The following ASXL2 variants were observed in gnomAD, a reference collection of about 807,000 sequenced individuals.
ASXL2 encodes ASXL transcriptional regulator 2, also known as putative Polycomb group protein ASXL2.
Under a neutral mutation model 122.0 loss-of-function variants are expected in ASXL2, and 23 were observed. The observed-to-expected ratio is 0.19, with a 90% CI of 0.14 to 0.27. The LOEUF (loss-of-function observed/expected upper bound fraction) is 0.27, where lower values mean the gene tolerates loss of function less well. Ranked by LOEUF, ASXL2 falls within the 10% of genes least tolerant of loss-of-function variation. The pLI is 1.00. For synonymous variants in ASXL2, 650 were observed against 637.0 expected, an observed-to-expected ratio of 1.02 and a Z score of -0.31; for missense variants, 1,518 against 1,713.8, an observed-to-expected ratio of 0.89 and a Z score of 2.02.
chr2:25,859,876 GA>G (rs1202099672), intron 1 of ASXL2, among the ~76,000 whole-genome samples: 2 of 152,166 alleles, frequency 1.3e-5, no homozygotes, highest in Admixed American at 6.5e-5. Flanking sequence ...GGTCAAATAA[GA>G]AATCTCAAAA....
chr2:25,854,084 G>A (rs1041334998), intron 1 of ASXL2, among the ~76,000 whole-genome samples: 1 of 152,160 alleles, frequency 6.6e-6, no homozygotes, highest in African/African-American at 2.4e-5. Context: ...AGCTGACATT[G>A]TAAGCTCATG....
chr2:25,801,087 C>T (rs1291688575), intron 4 of ASXL2, among the ~76,000 whole-genome samples: 2 of 152,020 alleles, frequency 1.3e-5, no homozygotes, highest in South Asian at 2.1e-4. Flanking sequence ...CCACCATACC[C>T]GGCTAATTTT....
At chr2:25,826,511 C>G (rs1261002557) in intron 3 of ASXL2, among the ~76,000 whole-genome samples, 2 of 152,086 alleles carry the variant, frequency 1.3e-5, no homozygotes, top group African/African-American at 2.4e-5. Context: ...CATCACTAAT[C>G]CAACTTATTT....
chr2:25,767,665 G>T lies in ASXL2; in HGVS notation c.693C>A (p.Ser231Arg). Residue 231 changes from serine to arginine, a missense_variant, in exon 8 of 13, where the codon AGC becomes AGA. By Grantham distance (110) the Ser-to-Arg change is moderately radical. This residue lies in a region of ASXL2 where 198 missense variants were observed against 209.0 expected (regional missense o/e 0.95). Transcript: ENST00000435504. The stretch of plus-strand genomic sequence containing the variant: ...TTTCCACTTTAACTGAGGAAGAAAA[G>T]CTGGAGTTTGAGTTTTGAGGGCTGC... ...QTGSPQNSNS[S>R]FSSSVKVENT... 6.2e-7 allele frequency: 1 copy of T among 1,613,958 alleles called. No homozygotes were observed.
At chr2:25,857,384 T>C (rs1033217616) in intron 1 of ASXL2, among the ~76,000 whole-genome samples, 1 of 152,206 alleles carries the variant, frequency 6.6e-6, no homozygotes, top group Non-Finnish European at 1.5e-5. Flanking sequence ...ACAAGGATTG[T>C]ACCTATATGT....
chr2:25,851,008 G>A (rs1390319544), intron 1 of ASXL2, among the ~76,000 whole-genome samples: 2 of 151,958 alleles, frequency 1.3e-5, no homozygotes, highest in South Asian at 2.1e-4. Flanking sequence ...GTGTGGGGGC[G>A]CATGCCTGTA....
chr2:25,816,909 G>A, intron 3 of ASXL2, among the ~76,000 whole-genome samples: 1 of 152,222 alleles, frequency 6.6e-6, no homozygotes, highest in East Asian at 1.9e-4. Context: ...CGGATCACCT[G>A]AGGTCTGATG....
intron 1 of ASXL2, among the ~76,000 whole-genome samples, chr2:25,860,798 G>C (rs1423891783): frequency 6.6e-6 from 1 of 151,222 alleles, no homozygotes; most frequent in Non-Finnish European, 1.5e-5. Context: ...GATCACTTGA[G>C]CTCAGGAGTT....
At chr2:25,756,453 CAAAAAAAAAAAGAAAAAAAAAAGA>C (rs1157195445) in intron 9 of ASXL2, among the ~76,000 whole-genome samples, 3 of 23,372 alleles carry the variant, frequency 1.3e-4, no homozygotes, top group East Asian at 1.5e-3. Flanking sequence ...CAGATAATGA[CAAAAAAAAAAAGAAAAAAAAAAGA>C]AAAAAAAAAA....
chr2:25,803,800 C>T (rs1266288149), intron 4 of ASXL2, among the ~76,000 whole-genome samples: 1 of 152,210 alleles, frequency 6.6e-6, no homozygotes, highest in Non-Finnish European at 1.5e-5. Flanking sequence ...TGCTTGCTTG[C>T]CCACCAATCA....
At chr2:25,853,439 G>A (rs995343003) in intron 1 of ASXL2, among the ~76,000 whole-genome samples, 4 of 152,086 alleles carry the variant, frequency 2.6e-5, no homozygotes, top group Admixed American at 2.0e-4. Context: ...CTAGACTCTT[G>A]TGGTTCACTC....
chr2:25,800,905 A>C (rs1378722532), intron 4 of ASXL2, among the ~76,000 whole-genome samples: 1 of 152,200 alleles, frequency 6.6e-6, no homozygotes, highest in Non-Finnish European at 1.5e-5. Context: ...ATGTATGGCT[A>C]AACACACTAG....
At chr2:25,819,654 T>C (rs1192900542) in intron 3 of ASXL2, among the ~76,000 whole-genome samples, 3 of 152,132 alleles carry the variant, frequency 2.0e-5, no homozygotes, top group Non-Finnish European at 4.4e-5. Context: ...CTAAAAAAAA[T>C]GTCTAGTCAT....
At chr2:25,799,261 A>G (rs906145315) in intron 5 of ASXL2, 124 bp downstream of exon 5, 1 of 1,317,032 alleles carries the variant, frequency 7.6e-7, no homozygotes, top group African/African-American at 1.5e-5. Flanking sequence ...TCTCCTTGAC[A>G]GGACTGTTAT....
chr2:25,805,969 G>A (rs753818845), intron 4 of ASXL2, among the ~76,000 whole-genome samples: 10 of 152,116 alleles, frequency 6.6e-5, no homozygotes, highest in Non-Finnish European at 1.0e-4. Flanking sequence ...GAGCCACCAC[G>A]CCTGGCCATA....
chr2:25,810,535 G>A, intron 3 of ASXL2: 1 of 731,792 alleles, frequency 1.4e-6, no homozygotes, highest in East Asian at 2.7e-5. Flanking sequence ...CTGTTCCCAG[G>A]CGCGCCTTTC....
At chr2:25,865,155 G>C (rs749911646) in intron 1 of ASXL2, among the ~76,000 whole-genome samples, 8 of 151,742 alleles carry the variant, frequency 5.3e-5, no homozygotes, top group African/African-American at 1.9e-4. Context: ...TTTAGGCCAG[G>C]CATGGTGGCT....
intron 1 of ASXL2, among the ~76,000 whole-genome samples, chr2:25,871,357 G>C (rs1056527409): frequency 1.3e-5 from 2 of 152,116 alleles, no homozygotes; most frequent in African/African-American, 2.4e-5. Flanking sequence ...TCTGTGGATG[G>C]GGAAGCAGAA....
At chr2:25,792,901 C>T (rs941126100) in intron 5 of ASXL2, among the ~76,000 whole-genome samples, 3 of 152,064 alleles carry the variant, frequency 2.0e-5, no homozygotes, top group Non-Finnish European at 2.9e-5. Flanking sequence ...CCACCGCACT[C>T]GGCTGATAAA....
Sources: allele counts gnomAD v4.1 joint callset (sites outside exome capture counted in the v4.1 genomes callset), GRCh38; gene constraint gnomAD v4.1.1; regional missense constraint gnomAD v4.1.1; transcripts MANE v1.5; gene names NCBI Gene and HGNC (gene_info 2026-07-23, HGNC 2026-07-21).